The following HS3ST4 variants were observed in gnomAD, a reference collection of about 807,000 sequenced individuals.
HS3ST4 encodes the protein heparan sulfate glucosamine 3-O-sulfotransferase 4.
Under a neutral mutation model 29.2 loss-of-function variants are expected in HS3ST4, and 17 were observed. That is an observed-to-expected ratio of 0.58 (90% CI 0.40 to 0.87). HS3ST4 has a LOEUF of 0.87. Among genes scored for constraint, HS3ST4 ranks in the 40% least tolerant of loss-of-function variants. HS3ST4 has a pLI of 0.00. For synonymous variants in HS3ST4, 314 were observed against 285.7 expected (o/e 1.10, Z -1.00); for missense variants, 627 against 634.5 (o/e 0.99, Z 0.13).
chr16:26,079,262 T>C (rs1898699798), intron 1 of HS3ST4, among the ~76,000 whole-genome samples: 1 of 152,180 alleles, frequency 6.6e-6, no homozygotes, highest in Non-Finnish European at 1.5e-5. Context: ...CAGAATAATC[T>C]GGACTTATAG....
intron 1 of HS3ST4, among the ~76,000 whole-genome samples, chr16:25,763,043 G>T (rs1040906116): frequency 1.3e-5 from 2 of 152,068 alleles, no homozygotes; most frequent in African/African-American, 4.8e-5. Context: ...GGAAGCCAAA[G>T]AGCTGGTCTC....
At chr16:25,986,671 G>T (rs11645361) in intron 1 of HS3ST4, among the ~76,000 whole-genome samples, 18,268 of 152,180 alleles carry the variant, frequency 0.12, 1,199 homozygotes, top group South Asian at 0.16. Context: ...AAGCAAATTA[G>T]CCGAGGCCAT....
At chr16:26,056,048 G>C (rs201001161) in intron 1 of HS3ST4, among the ~76,000 whole-genome samples, 36 of 25,688 alleles carry the variant, frequency 1.4e-3, no homozygotes, top group African/African-American at 3.9e-3. Flanking sequence ...GACAGAGAGA[G>C]AGAGAGAGAG....
intron 1 of HS3ST4, among the ~76,000 whole-genome samples, chr16:26,001,153 G>A (rs941715606): frequency 2.6e-5 from 4 of 151,902 alleles, no homozygotes; most frequent in Non-Finnish European, 5.9e-5. Context: ...TTACAATATT[G>A]GAATTTGGAC....
intron 1 of HS3ST4, among the ~76,000 whole-genome samples, chr16:25,836,914 A>G (rs1219090038): frequency 2.0e-5 from 3 of 152,206 alleles, no homozygotes; most frequent in Non-Finnish European, 2.9e-5. Flanking sequence ...TGTACTCGAC[A>G]ACTGGTTCAT....
chr16:25,704,135 G>A (rs1436312998), intron 1 of HS3ST4, among the ~76,000 whole-genome samples: 3 of 152,144 alleles, frequency 2.0e-5, no homozygotes, highest in Non-Finnish European at 4.4e-5. Flanking sequence ...AACAAAAAGA[G>A]GACCTTGTAT....
intron 1 of HS3ST4, among the ~76,000 whole-genome samples, chr16:25,779,414 T>C (rs1021110484): frequency 2.6e-5 from 4 of 152,250 alleles, no homozygotes; most frequent in Admixed American, 6.5e-5. Context: ...TCCAAGGCTA[T>C]GTAAGTCTGA....
At chr16:25,981,383 TGG>T (rs1969003585) in intron 1 of HS3ST4, among the ~76,000 whole-genome samples, 4 of 151,506 alleles carry the variant, frequency 2.6e-5, no homozygotes, top group African/African-American at 9.7e-5. Flanking sequence ...GGTTTGGAAT[TGG>T]TTGGTTTCCA....
At chr16:25,999,254 G>A (rs767113653) in intron 1 of HS3ST4, among the ~76,000 whole-genome samples, 10 of 152,096 alleles carry the variant, frequency 6.6e-5, no homozygotes, top group Non-Finnish European at 7.4e-5. Flanking sequence ...TTTTGTACAT[G>A]GTAGTACTAA....
chr16:26,098,747 A>C (rs1450217381), intron 1 of HS3ST4, among the ~76,000 whole-genome samples: 2 of 152,028 alleles, frequency 1.3e-5, no homozygotes, highest in African/African-American at 4.8e-5. Flanking sequence ...AAAAAAAGAC[A>C]GACTTAAGGA....
chr16:25,890,718 T>C (rs907481562), intron 1 of HS3ST4, among the ~76,000 whole-genome samples: 1 of 152,248 alleles, frequency 6.6e-6, no homozygotes, highest in African/African-American at 2.4e-5. Context: ...CATGGTTTAT[T>C]CTTTTTGAAT....
At chr16:25,774,740 G>C (rs939311270) in intron 1 of HS3ST4, among the ~76,000 whole-genome samples, 2 of 152,144 alleles carry the variant, frequency 1.3e-5, no homozygotes, top group Non-Finnish European at 2.9e-5. Flanking sequence ...TGATTACATT[G>C]GACCACCTCT....
intron 1 of HS3ST4, among the ~76,000 whole-genome samples, chr16:25,927,758 A>G (rs556812271): frequency 2.0e-5 from 3 of 151,980 alleles, no homozygotes; most frequent in Non-Finnish European, 4.4e-5. Context: ...ATGTTTATTG[A>G]AAACCCCTCC....
At chr16:25,838,772 G>T (rs1596586996) in intron 1 of HS3ST4, among the ~76,000 whole-genome samples, 1 of 152,184 alleles carries the variant, frequency 6.6e-6, no homozygotes, top group South Asian at 2.1e-4. Context: ...AATCACTGCA[G>T]ACTTTCAAAA....
At chr16:25,965,969 G>T (rs73521518) in intron 1 of HS3ST4, among the ~76,000 whole-genome samples, 5 of 152,240 alleles carry the variant, frequency 3.3e-5, no homozygotes, top group African/African-American at 1.2e-4. Flanking sequence ...GTGAACCATT[G>T]CACCTGGCCC....
At chr16:26,003,271 C>G (rs191721484) in intron 1 of HS3ST4, among the ~76,000 whole-genome samples, 94 of 152,246 alleles carry the variant, frequency 6.2e-4, no homozygotes, top group African/African-American at 1.9e-3. Flanking sequence ...CATCAGTAAA[C>G]AGAGATAATT....
chr16:25,903,324 T>TACATATGTATATGTATATAATATATAC (rs67993882), intron 1 of HS3ST4, among the ~76,000 whole-genome samples: 2 of 74,298 alleles, frequency 2.7e-5, no homozygotes, highest in Non-Finnish European at 6.0e-5. Context: ...ATATATTATA[T>TACATATGTATATGTATATAATATATAC]ATATGTATAT....
At chr16:25,854,331 A>G (rs543737212) in intron 1 of HS3ST4, among the ~76,000 whole-genome samples, 68 of 152,266 alleles carry the variant, frequency 4.5e-4, no homozygotes, top group African/African-American at 1.6e-3. Context: ...TTGTCATGGC[A>G]TTTGTAAACT....
At chr16:26,121,660 C>T (rs561425180) in intron 1 of HS3ST4, among the ~76,000 whole-genome samples, 11 of 152,248 alleles carry the variant, frequency 7.2e-5, no homozygotes, top group African/African-American at 1.9e-4. Context: ...AGACCTGGAG[C>T]GCAGGCTTCC....
Sources: gnomAD v4.1 joint callset for allele counts (sites outside exome capture counted in the v4.1 genomes callset) on GRCh38, gnomAD v4.1.1 for gene constraint, MANE v1.5 for transcripts, NCBI Gene and HGNC (gene_info 2026-07-23, HGNC 2026-07-21) for gene names.